The following XKR9 variants were observed in gnomAD, a reference collection of about 807,000 sequenced individuals.
The protein encoded by XKR9 is XK-related protein 9.
A neutral mutation model predicts 32.0 loss-of-function variants in XKR9; 32 were observed. That is an observed-to-expected ratio of 1.00 (90% CI 0.76 to 1.34). The LOEUF is 1.34. XKR9 is among the 40% of genes most tolerant of loss of function. The pLI, the probability that XKR9 is intolerant of heterozygous loss-of-function variation, is 0.00. For missense variants in XKR9, 546 were observed against 429.7 expected (o/e 1.27, Z -2.39); for synonymous variants, 168 against 143.4 (o/e 1.17, Z -1.22).
At chr8:70,979,129 C>A in the XKR9 span, among the ~76,000 whole-genome samples, 4 of 152,134 alleles carry the variant, frequency 2.6e-5, no homozygotes. Context: ...TCTAATTAGC[C>A]ATTCATCTAA....
the XKR9 span, among the ~76,000 whole-genome samples, chr8:70,832,289 C>T: frequency 6.6e-6 from 1 of 152,140 alleles, no homozygotes; most frequent in Admixed American, 6.5e-5. Flanking sequence ...GGAGTCTGGG[C>T]ATTCACGGGG....
At chr8:70,963,109 C>G in the XKR9 span, among the ~76,000 whole-genome samples, 1 of 152,074 alleles carries the variant, frequency 6.6e-6, no homozygotes, top group South Asian at 2.1e-4. Flanking sequence ...TCCTTATGCT[C>G]CCCCTTCCCC....
the XKR9 span, among the ~76,000 whole-genome samples, chr8:70,945,157 A>C: frequency 3.3e-5 from 5 of 152,192 alleles, no homozygotes; most frequent in Non-Finnish European, 4.4e-5. Flanking sequence ...AATATATTGA[A>C]TCTCTCTAAC....
the XKR9 span, among the ~76,000 whole-genome samples, chr8:70,823,861 G>T: frequency 6.6e-6 from 1 of 152,094 alleles, no homozygotes; most frequent in Non-Finnish European, 1.5e-5. Flanking sequence ...GTTGAGGAGA[G>T]TTCTGAAGGA....
the XKR9 span, among the ~76,000 whole-genome samples, chr8:70,905,914 G>C: frequency 6.6e-6 from 1 of 152,214 alleles, no homozygotes; most frequent in East Asian, 1.9e-4. Context: ...GTTTGCCTGT[G>C]TTATCACCAG....
chr8:70,786,731 C>G (rs1224186261), intron 2 of XKR9, among the ~76,000 whole-genome samples: 1 of 151,952 alleles, frequency 6.6e-6, no homozygotes, highest in Non-Finnish European at 1.5e-5. Flanking sequence ...GACTTTGTGT[C>G]TTTTTATGGG....
intron 3 of XKR9, among the ~76,000 whole-genome samples, chr8:70,689,568 A>G (rs943557739): frequency 6.6e-6 from 1 of 151,118 alleles, no homozygotes; most frequent in Non-Finnish European, 1.5e-5. Context: ...ATACATGTAA[A>G]GTGACATATG....
the XKR9 span, among the ~76,000 whole-genome samples, chr8:71,024,533 A>G: frequency 6.6e-6 from 1 of 152,158 alleles, no homozygotes; most frequent in Non-Finnish European, 1.5e-5. Context: ...ACCATTCTGC[A>G]ACTACCTGAG....
intron 2 of XKR9, among the ~76,000 whole-genome samples, chr8:70,756,102 C>G (rs1055013270): frequency 3.7e-4 from 56 of 152,144 alleles, no homozygotes; most frequent in African/African-American, 1.3e-3. Flanking sequence ...TCCAGTTACC[C>G]CCGTACCATT....
At chr8:70,914,800 T>C in the XKR9 span, among the ~76,000 whole-genome samples, 1 of 152,212 alleles carries the variant, frequency 6.6e-6, no homozygotes, top group Non-Finnish European at 1.5e-5. Flanking sequence ...TTTTCTACCC[T>C]AAAGTCATGA....
At chr8:70,849,615 CA>C in the XKR9 span, among the ~76,000 whole-genome samples, 2 of 152,032 alleles carry the variant, frequency 1.3e-5, no homozygotes, top group Non-Finnish European at 2.9e-5. Flanking sequence ...TAAGTAAGAG[CA>C]GAGCAGAACT....
chr8:70,829,824 AATACTCCATT>A, the XKR9 span, among the ~76,000 whole-genome samples: 1 of 152,200 alleles, frequency 6.6e-6, no homozygotes, highest in East Asian at 1.9e-4. Flanking sequence ...CACCTGAGTT[AATACTCCATT>A]ATTGCCATTT....
intron 3 of XKR9, among the ~76,000 whole-genome samples, chr8:70,692,284 T>C (rs1000638620): frequency 9.2e-5 from 14 of 152,188 alleles, no homozygotes; most frequent in African/African-American, 3.1e-4. Context: ...GCACCTTTGC[T>C]GAAGTTGTTT....
the XKR9 span, among the ~76,000 whole-genome samples, chr8:70,804,375 T>C: frequency 6.6e-6 from 1 of 152,282 alleles, no homozygotes; most frequent in Non-Finnish European, 1.5e-5. Flanking sequence ...ATCTATGGTC[T>C]ATTTGGAGTT....
chr8:71,038,536 G>A, the XKR9 span, among the ~76,000 whole-genome samples: 2 of 151,110 alleles, frequency 1.3e-5, no homozygotes, highest in Non-Finnish European at 2.9e-5. Flanking sequence ...GGCCAGGATG[G>A]TCTCAATCTC....
At chr8:70,814,816 C>T in the XKR9 span, among the ~76,000 whole-genome samples, 1 of 152,172 alleles carries the variant, frequency 6.6e-6, no homozygotes, top group Non-Finnish European at 1.5e-5. Flanking sequence ...TATTCCTCTT[C>T]ACTGATGGTA....
At chr8:70,769,941 C>A (rs1434350012) in intron 2 of XKR9, among the ~76,000 whole-genome samples, 1 of 152,044 alleles carries the variant, frequency 6.6e-6, no homozygotes, top group Non-Finnish European at 1.5e-5. Context: ...CTACTTCTGT[C>A]AATTCGTCAA....
chr8:70,875,054 G>A, the XKR9 span, among the ~76,000 whole-genome samples: 1 of 152,300 alleles, frequency 6.6e-6, no homozygotes, highest in South Asian at 2.1e-4. Context: ...TTACTAGAAA[G>A]CGAGGGACTG....
chr8:71,006,680 G>A, the XKR9 span, among the ~76,000 whole-genome samples: 1 of 152,110 alleles, frequency 6.6e-6, no homozygotes, highest in Admixed American at 6.5e-5. Flanking sequence ...TGGCTCCATG[G>A]TAAGAAAATG....
Sources: gnomAD v4.1 joint callset for allele counts (sites outside exome capture counted in the v4.1 genomes callset) on GRCh38, gnomAD v4.1.1 for gene constraint, MANE v1.5 for transcripts, NCBI Gene and HGNC (gene_info 2026-07-23, HGNC 2026-07-21) for gene names.